IL1RAPL2: variants seen among roughly 807,000 people sequenced by gnomAD.
IL1RAPL2 encodes the protein interleukin 1 receptor accessory protein like 2, also known as X-linked interleukin-1 receptor accessory protein-like 2.
In IL1RAPL2, 3 loss-of-function variants were observed where a neutral mutation model predicts 44.1. The ratio of observed to expected loss-of-function variants is 0.07; its 90% CI spans 0.03 to 0.18. The LOEUF (loss-of-function observed/expected upper bound fraction) is 0.18. IL1RAPL2 is among the 10% of genes least tolerant of loss of function. The pLI is 1.00. For synonymous variants in IL1RAPL2, 181 were observed against 178.8 expected, an observed-to-expected ratio of 1.01 and a Z score of -0.10; for missense variants, 391 against 496.4, an observed-to-expected ratio of 0.79 and a Z score of 2.02.
intron 2 of IL1RAPL2, among the ~76,000 whole-genome samples, chrX:104,924,217 G>A (rs892245284): frequency 9.0e-6 from 1 of 111,485 alleles, no homozygotes; most frequent in Non-Finnish European, 1.9e-5. Flanking sequence ...AATAGTGGGA[G>A]ACTTGAACAT....
At chrX:104,674,411 G>C (rs914784402) in intron 2 of IL1RAPL2, among the ~76,000 whole-genome samples, 4 of 111,858 alleles carry the variant, frequency 3.6e-5, no homozygotes, top group Non-Finnish European at 7.5e-5. Context: ...ATTGATTTGC[G>C]TATATTGAAC....
intron 6 of IL1RAPL2, among the ~76,000 whole-genome samples, chrX:105,615,465 G>T (rs1359944547): frequency 1.8e-5 from 2 of 112,147 alleles, no homozygotes; most frequent in Non-Finnish European, 3.8e-5. Context: ...TAAAGAAAAT[G>T]TGGTACATAT....
chrX:104,726,168 T>C (rs1424002649), intron 2 of IL1RAPL2, among the ~76,000 whole-genome samples: 1 of 111,537 alleles, frequency 9.0e-6, no homozygotes, highest in Non-Finnish European at 1.9e-5. Flanking sequence ...CTTGTTTTTG[T>C]CAGGTTTGTC....
At chrX:105,075,849 T>G (rs72610651) in intron 2 of IL1RAPL2, among the ~76,000 whole-genome samples, 1 of 112,081 alleles carries the variant, frequency 8.9e-6, no homozygotes, top group Non-Finnish European at 1.9e-5. Context: ...TATGGTATTC[T>G]CTGATGGTAG....
intron 5 of IL1RAPL2, among the ~76,000 whole-genome samples, chrX:105,443,396 T>G (rs1013644513): frequency 5.4e-5 from 6 of 111,160 alleles, no homozygotes; most frequent in Non-Finnish European, 9.4e-5. Context: ...ACAATTAAAT[T>G]ATTATTGACT....
chrX:104,656,300 T>C (rs774140665), intron 1 of IL1RAPL2, among the ~76,000 whole-genome samples: 21 of 111,957 alleles, frequency 1.9e-4, no homozygotes, highest in East Asian at 8.5e-4. Flanking sequence ...CTGCTTTCTC[T>C]TGTGGGCATT....
intron 2 of IL1RAPL2, among the ~76,000 whole-genome samples, chrX:104,864,107 C>T (rs1036221374): frequency 5.4e-5 from 6 of 111,951 alleles, no homozygotes; most frequent in African/African-American, 1.9e-4. Context: ...AGCCAAATAA[C>T]CAACTTTCTT....
chrX:105,674,306 T>C (rs145000445), intron 6 of IL1RAPL2, among the ~76,000 whole-genome samples: 1,198 of 112,120 alleles, frequency 0.011, 22 homozygotes, highest in African/African-American at 0.037. Flanking sequence ...TTTTGGGTTT[T>C]ACATTTAAGC....
intron 2 of IL1RAPL2, among the ~76,000 whole-genome samples, chrX:104,993,833 G>A (rs1373103158): frequency 9.0e-6 from 1 of 111,703 alleles, no homozygotes; most frequent in Non-Finnish European, 1.9e-5. Context: ...GCCAAGATGT[G>A]AACTTCGGCT....
At chrX:104,869,276 A>T (rs1922696119) in intron 2 of IL1RAPL2, among the ~76,000 whole-genome samples, 1 of 111,352 alleles carries the variant, frequency 9.0e-6, no homozygotes, top group African/African-American at 3.3e-5. Flanking sequence ...GATGTTTGAT[A>T]TATGTATACA....
intron 1 of IL1RAPL2, among the ~76,000 whole-genome samples, chrX:104,638,506 C>A (rs1358918195): frequency 8.9e-6 from 1 of 111,742 alleles, no homozygotes; most frequent in Non-Finnish European, 1.9e-5. Context: ...TTACTATAAA[C>A]TTCTTAGCAT....
rs1043838154 is a variant in IL1RAPL2, at chrX:104,682,799, C to T, written c.82+23804C>T. Among the ~76,000 whole-genome samples the T allele has an allele frequency of 5.4e-5, 6 of 111,727 alleles. No homozygotes were observed. The South Asian group carries it at 1.1e-3, about 21-fold the overall frequency. ...AACAGCTAGGGGAGAAGAAGTAATC[C>T]GGTTGTATGAGCATTCTGATTGTTG... On this transcript the variant is annotated intron_variant, in intron 2 of 10. Coordinates refer to ENST00000372582, the MANE Select transcript of IL1RAPL2 (RefSeq NM_017416.2).
intron 2 of IL1RAPL2, among the ~76,000 whole-genome samples, chrX:105,076,334 T>A (rs1014252326): frequency 8.9e-6 from 1 of 111,867 alleles, no homozygotes; most frequent in Non-Finnish European, 1.9e-5. Flanking sequence ...TTGTTCAGTT[T>A]CCATGTAATT....
intron 2 of IL1RAPL2, among the ~76,000 whole-genome samples, chrX:105,009,982 T>A (rs1384645491): frequency 9.0e-6 from 1 of 111,042 alleles, no homozygotes; most frequent in Non-Finnish European, 1.9e-5. Context: ...AATTTTTTTA[T>A]TTTTAAAATT....
At chrX:105,071,603 T>C (rs2032207496) in intron 2 of IL1RAPL2, among the ~76,000 whole-genome samples, 1 of 112,202 alleles carries the variant, frequency 8.9e-6, no homozygotes, top group Non-Finnish European at 1.9e-5. Flanking sequence ...AGCATCATTC[T>C]ATCTGATCTG....
chrX:105,611,898 A>G (rs1313108664), intron 6 of IL1RAPL2, among the ~76,000 whole-genome samples: 1 of 111,327 alleles, frequency 9.0e-6, no homozygotes, highest in Non-Finnish European at 1.9e-5. Flanking sequence ...CACAGATTTT[A>G]TCAGTTTAAC....
intron 2 of IL1RAPL2, among the ~76,000 whole-genome samples, chrX:105,027,627 A>G (rs1006415643): frequency 2.7e-5 from 3 of 111,893 alleles, no homozygotes; most frequent in Non-Finnish European, 5.6e-5. Context: ...CTACAATGAG[A>G]CATCATCTCA....
At chrX:104,670,627 G>A (rs1028745896) in intron 2 of IL1RAPL2, among the ~76,000 whole-genome samples, 3 of 110,637 alleles carry the variant, frequency 2.7e-5, no homozygotes, top group Non-Finnish European at 5.7e-5. Flanking sequence ...AGATTCGGGG[G>A]TATACACGTG....
At chrX:105,017,336 A>G (rs1391594413) in intron 2 of IL1RAPL2, among the ~76,000 whole-genome samples, 2 of 111,281 alleles carry the variant, frequency 1.8e-5, no homozygotes, top group East Asian at 5.7e-4. Context: ...TAAGGATTGT[A>G]GGACAAATGC....
Sources: gnomAD v4.1 joint callset for allele counts (sites outside exome capture counted in the v4.1 genomes callset) on GRCh38, gnomAD v4.1.1 for gene constraint, MANE v1.5 for transcripts, NCBI Gene and HGNC (gene_info 2026-07-23, HGNC 2026-07-21) for gene names.